The following POLR1A variants were observed in gnomAD, a reference collection of about 807,000 sequenced individuals.
POLR1A encodes the protein RNA polymerase I subunit A.
In POLR1A, 84 loss-of-function variants were observed where a neutral mutation model predicts 205.3. The ratio of observed to expected loss-of-function variants is 0.41; its 90% CI spans 0.34 to 0.49. The LOEUF is 0.49. Among genes scored for constraint, POLR1A ranks in the 20% least tolerant of loss-of-function variants. POLR1A has a pLI of 0.22. For missense variants in POLR1A, 1,645 were observed against 2,204.5 expected (o/e 0.75, Z 5.08); for synonymous variants, 799 against 863.7 (o/e 0.93, Z 1.31).
At chr2:86,052,151 G>A (rs1672814573) in intron 16 of POLR1A, among the ~76,000 whole-genome samples, 1 of 152,146 alleles carries the variant, frequency 6.6e-6, no homozygotes, top group Non-Finnish European at 1.5e-5. Flanking sequence ...CTCCATGTTG[G>A]CCAGGCTGGT....
In POLR1A at chr2:86,098,667, C is replaced by A; in HGVS notation, c.376G>T (p.Val126Phe). ...GCTTGTAGGGCCCCGACTTCCAGAA[C>A]CCTCAGCTGGCAGAGTAAGAGGTGA... Reference protein sequence around the residue: ...VIHLLLCQLRVLEVGALQAVY... With the variant: ...VIHLLLCQLRFLEVGALQAVY... The change falls in exon 3 of 34, where the codon GTT becomes TTT. Residue 126 changes from valine to phenylalanine, a missense_variant. By Grantham distance (50) the Val-to-Phe change is conservative. This residue lies in a region of POLR1A where 330 missense variants were observed against 375.6 expected (regional missense o/e 0.88). Coordinates refer to ENST00000263857, the MANE Select transcript of POLR1A (RefSeq NM_015425.6). The A allele has an allele frequency of 1.2e-6, 2 of 1,613,822 alleles. No homozygotes were observed.
chr2:86,065,241 T>G (rs1224597041), intron 14 of POLR1A, 33 bp downstream of exon 14: 1 of 1,587,582 alleles, frequency 6.3e-7, no homozygotes, highest in Non-Finnish European at 8.6e-7. Context: ...TATTTCCTTT[T>G]GTTACATACA....
At position 86,030,461 on chromosome 2, in the gene POLR1A, C is replaced by T. The variant is rs887901438; in HGVS notation, c.4579-65G>A. The T allele has an allele frequency of 1.2e-4, 144 of 1,212,954 alleles. 2 individuals carry two copies. In the South Asian group the frequency reaches 1.5e-3, roughly 12 times the overall value. 75.1% of individuals were successfully genotyped at this position (1,212,954 alleles called of 1,614,324 possible). On this transcript the variant is annotated intron_variant, in intron 30 of 33. Transcript: ENST00000263857. ...CCAGTCCCCACAAAGAGGACTGAGGCGAGACTCCTTCAAAACCTTTTCAGG... is the reference window on the plus strand; with the variant it reads ...CCAGTCCCCACAAAGAGGACTGAGGTGAGACTCCTTCAAAACCTTTTCAGG...
At chr2:86,073,974 C>T (rs559893468) in intron 12 of POLR1A, among the ~76,000 whole-genome samples, 7 of 152,368 alleles carry the variant, frequency 4.6e-5, no homozygotes, top group African/African-American at 1.7e-4. Context: ...AACCTGAATA[C>T]AAACCTTACT....
At position 86,027,210 on chromosome 2, in the gene POLR1A, A is replaced by AG; in HGVS notation, c.*212dup. 1.7e-6 allele frequency: 1 copy of AG among 587,070 alleles called. No homozygotes were observed. The highest frequency in any genetic ancestry group is 3.0e-6 in the Non-Finnish European group (1 of 328,544). The allele number at this position is 587,070 out of a possible 1,614,324, so 36.4% of individuals were successfully genotyped here. On this transcript the variant is annotated 3_prime_UTR_variant, in exon 34 of 34. Coordinates refer to ENST00000263857, the MANE Select transcript of POLR1A (RefSeq NM_015425.6). ...CCTTGATAAAAATCCAGAGACAGGG[A>AG]GGGGCAAGGATGAGCAACTCTGTCA...
intron 28 of POLR1A, among the ~76,000 whole-genome samples, chr2:86,033,047 T>G (rs118166086): frequency 0.011 from 1,697 of 152,216 alleles, 34 homozygotes; most frequent in East Asian, 0.098. Context: ...GTCCACATCA[T>G]CCCCAACCCA....
At position 86,064,756 on chromosome 2, in the gene POLR1A, CT is replaced by C. The variant is rs564064619; in HGVS notation, c.2058+517del. On this transcript the variant is annotated intron_variant, in intron 14 of 33. Coordinates refer to ENST00000263857, the MANE Select transcript of POLR1A (RefSeq NM_015425.6). ...CAAAGGACAGAAACTATGCAGTCTA[CT>C]TTTTTTTTTTTTGTGGAGACGGAGT... Among the ~76,000 whole-genome samples the C allele has an allele frequency of 3.6e-3, 531 of 145,880 alleles. 1 individual carries two copies. The highest frequency in any genetic ancestry group is 8.5e-3 in the South Asian group (39 of 4,578).
At chr2:86,083,388 A>AAT (rs60398779) in intron 6 of POLR1A, among the ~76,000 whole-genome samples, 1 of 151,596 alleles carries the variant, frequency 6.6e-6, no homozygotes, top group Admixed American at 6.6e-5. Flanking sequence ...AAAAAAAAAA[A>AAT]GCAAAGTAAA....
At chr2:86,059,567 T>C (rs138284867) in intron 14 of POLR1A, among the ~76,000 whole-genome samples, 2 of 152,302 alleles carry the variant, frequency 1.3e-5, no homozygotes, top group Non-Finnish European at 2.9e-5. Context: ...GATTTTATTA[T>C]TTCTTTTATT....
At chr2:86,066,876 TA>T (rs373184975) in intron 13 of POLR1A, among the ~76,000 whole-genome samples, 61 of 152,118 alleles carry the variant, frequency 4.0e-4, no homozygotes, top group Non-Finnish European at 4.4e-5. Flanking sequence ...ATAATGTACA[TA>T]AAAAAATTAT....
chr2:86,041,446 G>C (rs1226625333), intron 24 of POLR1A, among the ~76,000 whole-genome samples: 1 of 152,048 alleles, frequency 6.6e-6, no homozygotes, highest in Non-Finnish European at 1.5e-5. Context: ...CTTCAAATGG[G>C]AACCCAAAGC....
Position 86,081,623 on chromosome 2 carries a change from A to G in POLR1A, c.901T>C (p.Phe301Leu). ...RFNPSVFFLDFLVVPPSRYRP... is the reference protein window; with the variant it reads ...RFNPSVFFLDLLVVPPSRYRP... ...TACCTTGAGGGCGGCACCACCAAGAAATCTAGAAAGAACACACTGGGATTG... is the reference window on the plus strand; with the variant it reads ...TACCTTGAGGGCGGCACCACCAAGAGATCTAGAAAGAACACACTGGGATTG... The change falls in exon 8 of 34, where the codon TTC (phenylalanine) becomes CTC (leucine). Residue 301 changes from phenylalanine (F) to leucine (L), a missense_variant. Around this residue, in one of 16 missense-constraint regions of POLR1A, gnomAD observed 330 missense variants for 375.6 expected, o/e 0.88. Transcript: ENST00000263857. 1.2e-6 allele frequency: 2 copies of G among 1,606,394 alleles called. No homozygotes were observed. Among genetic ancestry groups the G allele is most frequent in the Non-Finnish European group, 1.7e-6 (2 of 1,176,506 alleles).
At position 86,075,133 on chromosome 2, in the gene POLR1A, C is replaced by G. The variant is rs376943937; in HGVS notation, c.1508G>C (p.Ser503Thr). 6.2e-7 allele frequency: 1 copy of G among 1,613,502 alleles called. No individual in the cohort carries two copies. The highest frequency in any genetic ancestry group is 8.5e-7 in the Non-Finnish European group (1 of 1,179,938). Residue 503 changes from serine to threonine, a missense_variant, in exon 12 of 34, where the codon AGC (serine) becomes ACC (threonine). Ser to Thr is a moderately conservative substitution (Grantham distance 58). Coordinates refer to ENST00000263857, the MANE Select transcript of POLR1A (RefSeq NM_015425.6). ...GASMVINEDG[S>T]RTALSAVDMT... ...GTCCACAGCGCTCAGGGCTGTGCGG[C>G]TGCCGTCCTCATTGATGACCATGGA...
intron 3 of POLR1A, among the ~76,000 whole-genome samples, chr2:86,092,198 A>C (rs547857426): frequency 6.6e-6 from 1 of 152,168 alleles, no homozygotes; most frequent in East Asian, 1.9e-4. Flanking sequence ...GGTAAAAATG[A>C]CCCCAATTGG....
intron 26 of POLR1A, 118 bp from the exon 27 acceptor site, chr2:86,038,975 C>T: frequency 2.2e-6 from 2 of 907,460 alleles, no homozygotes; most frequent in Non-Finnish European, 1.7e-6. Context: ...ACAGGCCAAA[C>T]CCCAAAGAAA....
chr2:86,054,356 T>C, intron 14 of POLR1A, 67 bp from the exon 15 acceptor site: 1 of 1,549,410 alleles, frequency 6.5e-7, no homozygotes, highest in African/African-American at 1.4e-5. Flanking sequence ...GACAAACTGA[T>C]GGCAAAAAGA....
intron 3 of POLR1A, among the ~76,000 whole-genome samples, chr2:86,095,363 T>C (rs1049789982): frequency 3.9e-5 from 6 of 152,140 alleles, no homozygotes; most frequent in Non-Finnish European, 8.8e-5. Flanking sequence ...AAAGAAAACA[T>C]ACAAGGCTTG....
intron 14 of POLR1A, among the ~76,000 whole-genome samples, chr2:86,063,573 A>C (rs2104407337): frequency 6.6e-6 from 1 of 152,316 alleles, no homozygotes; most frequent in African/African-American, 2.4e-5. Context: ...ATAAAACTAC[A>C]GACCAATATC....
chr2:86,041,843 A>T (rs779872889), intron 24 of POLR1A, 46 bp downstream of exon 24: 2 of 1,510,416 alleles, frequency 1.3e-6, no homozygotes, highest in East Asian at 2.3e-5. Flanking sequence ...AGGGGCTAGG[A>T]GGCAGATTCT....
Sources: allele counts gnomAD v4.1 joint callset (sites outside exome capture counted in the v4.1 genomes callset), GRCh38; gene constraint gnomAD v4.1.1; regional missense constraint gnomAD v4.1.1; transcripts MANE v1.5; gene names NCBI Gene and HGNC (gene_info 2026-07-23, HGNC 2026-07-21).